CPNE8: variants seen among roughly 807,000 people sequenced by gnomAD.
CPNE8 encodes copine 8.
CPNE8 carries 45 observed loss-of-function variants against 81.5 expected under a neutral mutation model. The observed-to-expected ratio is 0.55, with a 90% CI of 0.44 to 0.71. CPNE8 has a LOEUF of 0.71. CPNE8 is among the 30% of genes least tolerant of loss of function. The pLI is 0.00. For missense variants in CPNE8, 594 were observed against 672.1 expected (o/e 0.88, Z 1.28); for synonymous variants, 252 against 226.3 (o/e 1.11, Z -1.02).
intron 3 of CPNE8, among the ~76,000 whole-genome samples, chr12:38,871,132 A>C (rs1943985902): frequency 6.6e-6 from 1 of 152,182 alleles, no homozygotes; most frequent in South Asian, 2.1e-4. Context: ...TTTTGAGCTG[A>C]GGCTGCCCTT....
intron 5 of CPNE8, among the ~76,000 whole-genome samples, chr12:38,839,451 A>T (rs533598286): frequency 2.0e-5 from 3 of 152,098 alleles, no homozygotes; most frequent in Admixed American, 2.0e-4. Context: ...TCATGCCCAT[A>T]TTATGCCCTC....
At chr12:38,812,568 A>G (rs1942955693) in intron 6 of CPNE8, among the ~76,000 whole-genome samples, 1 of 152,102 alleles carries the variant, frequency 6.6e-6, no homozygotes, top group South Asian at 2.1e-4. Flanking sequence ...TGATTCAATT[A>G]CCTCCCATTG....
chr12:38,906,481 C>T (rs1427087792), upstream of CPNE8: 1 of 985,494 alleles, frequency 1.0e-6, no homozygotes, highest in African/African-American at 1.7e-5. Context: ...CCCTCGTTTC[C>T]AAAGGCATGA....
intron 1 of CPNE8, among the ~76,000 whole-genome samples, chr12:38,879,162 C>T (rs1215434410): frequency 1.3e-5 from 2 of 152,170 alleles, no homozygotes; most frequent in Non-Finnish European, 2.9e-5. Context: ...CCAGCCTGTG[C>T]ACTGGGAATG....
chr12:38,846,843 T>C (rs1202466058), intron 4 of CPNE8, among the ~76,000 whole-genome samples: 1 of 152,060 alleles, frequency 6.6e-6, no homozygotes, highest in Non-Finnish European at 1.5e-5. Flanking sequence ...CAGGATTATA[T>C]GTAGTAGGAA....
At chr12:38,702,821 T>C (rs1484687029) in intron 14 of CPNE8, 54 bp downstream of exon 14, 6 of 1,068,938 alleles carry the variant, frequency 5.6e-6, no homozygotes, top group Non-Finnish European at 8.2e-6. Flanking sequence ...AATATAAATT[T>C]ATTTTTCATG....
At chr12:38,787,287 A>C (rs761043762) in intron 6 of CPNE8, among the ~76,000 whole-genome samples, 2 of 152,112 alleles carry the variant, frequency 1.3e-5, no homozygotes, top group Admixed American at 6.6e-5. Flanking sequence ...AAAACTAGAT[A>C]TCAACCACAA....
chr12:38,859,750 G>A (rs1016413505), intron 3 of CPNE8, among the ~76,000 whole-genome samples: 6 of 152,038 alleles, frequency 3.9e-5, no homozygotes, highest in Admixed American at 1.3e-4. Context: ...AGAAGAGAAA[G>A]CTCATAAATA....
At chr12:38,717,406 C>CAAGTAAACAAAGA (rs1940422863) in intron 13 of CPNE8, among the ~76,000 whole-genome samples, 1 of 102,400 alleles carries the variant, frequency 9.8e-6, no homozygotes, top group Non-Finnish European at 2.0e-5. Context: ...CATCGACCAA[C>CAAGTAAACAAAGA]AAGTAAACAA....
At chr12:38,759,293 A>G (rs1941527476) in intron 10 of CPNE8, among the ~76,000 whole-genome samples, 1 of 152,192 alleles carries the variant, frequency 6.6e-6, no homozygotes, top group African/African-American at 2.4e-5. Flanking sequence ...TTGCCTATTC[A>G]CAATTAAAAT....
chr12:38,685,500 G>A lies in CPNE8; in HGVS notation c.1261C>T (p.His421Tyr). 3 of 1,612,974 alleles carry A rather than the reference G, an allele frequency of 1.9e-6. No homozygotes were observed. The highest frequency in any genetic ancestry group is 2.5e-6 in the Non-Finnish European group (3 of 1,179,348). ...CTACTCTCTACTTACCTTGCTACAT[G>A]ATTAATTACAGGAGCAAAGTTGGTG... is the stretch of plus-strand genomic sequence containing the variant. ...GPTNFAPVIN[H>Y]VARYASSVKD... Residue 421 changes from histidine (H) to tyrosine (Y), a missense_variant, in exon 16 of 20, where the codon CAT becomes TAT. Transcript: ENST00000331366.
At chr12:38,873,559 G>A (rs1944022206) in intron 2 of CPNE8, among the ~76,000 whole-genome samples, 1 of 152,042 alleles carries the variant, frequency 6.6e-6, no homozygotes, top group Non-Finnish European at 1.5e-5. Context: ...AAGAGTTTTG[G>A]GTAAAGATTA....
At chr12:38,685,345 T>TTTC (rs1939509326) in intron 16 of CPNE8, 145 bp downstream of exon 16, 1 of 764,254 alleles carries the variant, frequency 1.3e-6, no homozygotes, top group East Asian at 2.8e-5. Context: ...ATAGAGACTC[T>TTTC]TTCTAACATA....
chr12:38,694,946 A>G (rs1939760383), intron 14 of CPNE8, among the ~76,000 whole-genome samples: 1 of 152,250 alleles, frequency 6.6e-6, no homozygotes, highest in South Asian at 2.1e-4. Context: ...GTAATTATAC[A>G]CATAATATTT....
At chr12:38,675,869 C>A (rs771003863) in intron 17 of CPNE8, 95 bp from the exon 18 acceptor site, 135 of 839,456 alleles carry the variant, frequency 1.6e-4, no homozygotes, top group Non-Finnish European at 2.3e-4. Flanking sequence ...CTTGAAATCC[C>A]AGCACTGTGG....
chr12:38,877,903 T>C (rs1944090786), intron 1 of CPNE8, among the ~76,000 whole-genome samples: 1 of 152,134 alleles, frequency 6.6e-6, no homozygotes, highest in Admixed American at 6.5e-5. Context: ...AGTCACAGTA[T>C]AAGGAGACTG....
At chr12:38,756,045 A>AAC (rs1565599733) in intron 10 of CPNE8, among the ~76,000 whole-genome samples, 1 of 150,240 alleles carries the variant, frequency 6.7e-6, no homozygotes, top group East Asian at 1.9e-4. Flanking sequence ...GTCTCAAAAA[A>AAC]AAAAAAAAAA....
chr12:38,693,505 TAAG>T, intron 15 of CPNE8, 149 bp downstream of exon 15: 1 of 587,018 alleles, frequency 1.7e-6, no homozygotes, highest in Admixed American at 3.7e-5. Flanking sequence ...TTTTTCCCAT[TAAG>T]TTCACACTCC....
At chr12:38,729,590 G>A (rs1940785040) in intron 11 of CPNE8, among the ~76,000 whole-genome samples, 1 of 151,890 alleles carries the variant, frequency 6.6e-6, no homozygotes, top group African/African-American at 2.4e-5. Context: ...ACTTAACAGA[G>A]GCCAATTTTA....
Sources: gnomAD v4.1 joint callset for allele counts (sites outside exome capture counted in the v4.1 genomes callset) on GRCh38, gnomAD v4.1.1 for gene constraint, MANE v1.5 for transcripts, NCBI Gene and HGNC (gene_info 2026-07-23, HGNC 2026-07-21) for gene names.